YARS1: variants seen among roughly 807,000 people sequenced by gnomAD.
YARS1 encodes tyrosyl-tRNA synthetase 1.
A neutral mutation model predicts 62.2 loss-of-function variants in YARS1; 36 were observed. The ratio of observed to expected loss-of-function variants is 0.58; its 90% CI spans 0.44 to 0.76. YARS1 has a LOEUF of 0.76. Ranked by LOEUF, YARS1 falls within the 30% of genes least tolerant of loss-of-function variation. The pLI, the probability that YARS1 is intolerant of heterozygous loss-of-function variation, is 0.00. For missense variants in YARS1, 524 were observed against 639.8 expected (o/e 0.82, Z 1.95); for synonymous variants, 234 against 244.9 (o/e 0.96, Z 0.42).
intron 8 of YARS1, 74 bp from the exon 9 acceptor site, chr1:32,782,613 G>C: frequency 6.3e-7 from 1 of 1,599,346 alleles, no homozygotes; most frequent in Non-Finnish European, 8.5e-7. Flanking sequence ...AAAAAAGTAG[G>C]ATCAAGGGAG....
At chr1:32,802,923 C>T (rs1373995168) in intron 4 of YARS1, among the ~76,000 whole-genome samples, 1 of 151,916 alleles carries the variant, frequency 6.6e-6, no homozygotes, top group African/African-American at 2.4e-5. Flanking sequence ...AGTGATTCTC[C>T]TGCCTCAGCC....
chr1:32,809,346 C>T (rs1445122254), intron 3 of YARS1, among the ~76,000 whole-genome samples: 1 of 152,198 alleles, frequency 6.6e-6, no homozygotes. Flanking sequence ...CCTCAGCCTT[C>T]CAAAGCATTG....
At chr1:32,807,463 A>ATT (rs554615976) in intron 3 of YARS1, among the ~76,000 whole-genome samples, 1 of 145,522 alleles carries the variant, frequency 6.9e-6, no homozygotes, top group Admixed American at 6.8e-5. Flanking sequence ...TTTTCCTTTT[A>ATT]TTTTTTTTTT....
At chr1:32,788,877 T>C (rs145092716) in intron 6 of YARS1, among the ~76,000 whole-genome samples, 1 of 152,040 alleles carries the variant, frequency 6.6e-6, no homozygotes, top group African/African-American at 2.4e-5. Flanking sequence ...CTGGCTGGAG[T>C]GTGGTGGCAC....
In YARS1 at chr1:32,810,913, C is replaced by G; in HGVS notation, c.202G>C (p.Glu68Gln). ...GGGCTTATAGCATTAGTTCTTACCT[C>G]ACACCCTGCCTTTAAGAAGTCTGCA... ...KIADFLKAGCEVTILFADLHA... is the reference protein window; with the variant it reads ...KIADFLKAGCQVTILFADLHA... Residue 68 changes from glutamate to glutamine, a missense_variant and splice_region_variant, in exon 2 of 13, where the codon GAG (glutamate) becomes CAG (glutamine). Glu to Gln is a conservative substitution (Grantham distance 29). Transcript: ENST00000373477. 1.2e-6 allele frequency: 2 copies of G among 1,614,172 alleles called. No individual in the cohort carries two copies. The highest frequency in any genetic ancestry group is 8.5e-7 in the Non-Finnish European group (1 of 1,180,026).
At chr1:32,797,190 A>T (rs1427672332) in intron 5 of YARS1, among the ~76,000 whole-genome samples, 4 of 149,952 alleles carry the variant, frequency 2.7e-5, no homozygotes, top group Admixed American at 1.3e-4. Context: ...TGGGCAACAC[A>T]GGGAGGCCTC....
intron 3 of YARS1, among the ~76,000 whole-genome samples, chr1:32,809,439 T>C (rs1638532961): frequency 6.6e-6 from 1 of 152,118 alleles, no homozygotes; most frequent in Non-Finnish European, 1.5e-5. Flanking sequence ...ACTTGCCATG[T>C]TGGCCAGGGC....
At chr1:32,777,028 C>G (rs1652886569) in intron 12 of YARS1, among the ~76,000 whole-genome samples, 1 of 147,720 alleles carries the variant, frequency 6.8e-6, no homozygotes, top group African/African-American at 2.6e-5. Context: ...AGTGCAACCC[C>G]TCAATTTTTT....
chr1:32,803,551 T>G (rs537859901), intron 4 of YARS1, among the ~76,000 whole-genome samples: 2 of 152,190 alleles, frequency 1.3e-5, no homozygotes, highest in Non-Finnish European at 2.9e-5. Context: ...CTTTGAAGAT[T>G]TGAAGCCAGG....
intron 1 of YARS1, among the ~76,000 whole-genome samples, chr1:32,812,704 A>G (rs1638611575): frequency 1.3e-5 from 2 of 152,076 alleles, no homozygotes; most frequent in Admixed American, 1.3e-4. Flanking sequence ...TGGGTGCAGC[A>G]CCTCACGCCT....
At position 32,779,257 on chromosome 1, in the gene YARS1, GGA is replaced by G. The variant is rs969620788; in HGVS notation, c.1476+123_1476+124del. The G allele has an allele frequency of 3.3e-6, 5 of 1,500,548 alleles. No individual in the cohort carries two copies. The African/African-American group carries it at 5.5e-5, about 17-fold the overall frequency. The allele number at this position is 1,500,548 out of a possible 1,614,324, so 93.0% of individuals were successfully genotyped here. On this transcript the variant is annotated intron_variant, in intron 12 of 12. Transcript: ENST00000373477. ...TTCAAAAAGGTCTGGAAAGAAGGAG[GGA>G]GAGAGGGGCTCAAATGCAGGAAGTC... is the stretch of plus-strand genomic sequence containing the variant.
chr1:32,775,977 C>G lies in YARS1; in HGVS notation c.*4G>C, dbSNP rs771314633. 6.2e-7 allele frequency: 1 copy of G among 1,611,056 alleles called. No individual in the cohort carries two copies. Among genetic ancestry groups the G allele is most frequent in the Non-Finnish European group, 8.5e-7 (1 of 1,177,338 alleles). On this transcript the variant is annotated 3_prime_UTR_variant, in exon 13 of 13. Transcript: ENST00000373477. ...TGGAAGAAGGGGGGAAGATGCTGGG[C>G]TGGCTAGCTAATGTTCCCCCCTTTC...
At chr1:32,805,558 A>G (rs1424533565) in intron 4 of YARS1, among the ~76,000 whole-genome samples, 6 of 152,306 alleles carry the variant, frequency 3.9e-5, no homozygotes, top group South Asian at 4.2e-4. Flanking sequence ...AACTTTCCCT[A>G]TGGATTCACA....
At position 32,780,119 on chromosome 1, in the gene YARS1, C is replaced by A. The variant is rs995106454; in HGVS notation, c.1300G>T (p.Val434Phe). Reference protein sequence around the residue: ...CNLKPQKMRGVESQGMLLCAS... With the variant: ...CNLKPQKMRGFESQGMLLCAS... ...CACAGAAGCATGCCTTGGGACTCGA[C>A]TCCTCTCATCTTCTGGGGTTTCAGG... The change falls in exon 11 of 13, where the codon GTC becomes TTC. Residue 434 changes from valine to phenylalanine, a missense_variant. Coordinates refer to ENST00000373477, the MANE Select transcript of YARS1 (RefSeq NM_003680.4). 1 of 1,614,196 alleles carries A rather than the reference C, an allele frequency of 6.2e-7. No homozygotes were observed. The highest frequency in any genetic ancestry group is 8.5e-7 in the Non-Finnish European group (1 of 1,180,038).
chr1:32,810,439 A>G, intron 3 of YARS1, 152 bp downstream of exon 3: 2 of 935,670 alleles, frequency 2.1e-6, no homozygotes, highest in Non-Finnish European at 3.4e-6. Context: ...TTACAAGGAC[A>G]ATGAGGTTTT....
chr1:32,792,848 C>T (rs1286953798), intron 5 of YARS1, among the ~76,000 whole-genome samples: 1 of 150,820 alleles, frequency 6.6e-6, no homozygotes, highest in Non-Finnish European at 1.5e-5. Flanking sequence ...CCACTGCACT[C>T]TAGCCTGGGT....
Position 32,817,324 on chromosome 1 carries a change from A to G in YARS1, c.-80T>C. ...GTCACCGTCGCCGCCGCGTGCCGGG[A>G]ACTGTCACGCGAGTCCAGCCAGGTT... On this transcript the variant is annotated 5_prime_UTR_variant, in exon 1 of 13. Transcript: ENST00000373477. The G allele has an allele frequency of 6.4e-7, 1 of 1,569,170 alleles. No individual in the cohort carries two copies. The highest frequency in any genetic ancestry group is 8.7e-7 in the Non-Finnish European group (1 of 1,145,092).
At chr1:32,804,142 C>G (rs1310163821) in intron 4 of YARS1, among the ~76,000 whole-genome samples, 1 of 152,276 alleles carries the variant, frequency 6.6e-6, no homozygotes, top group Admixed American at 6.5e-5. Flanking sequence ...CTACCTCTTT[C>G]CACACAGACA....
At position 32,779,850 on chromosome 1, in the gene YARS1, G is replaced by T; in HGVS notation, c.1334+235C>A. On this transcript the variant is annotated intron_variant, in intron 11 of 12. Transcript: ENST00000373477. ...ACTCCTTACTAGTAGTAAGACTTGGGTATGTACTGGTTTGAGCCCTCCATT... is the reference window on the plus strand; with the variant it reads ...ACTCCTTACTAGTAGTAAGACTTGGTTATGTACTGGTTTGAGCCCTCCATT... The T allele has an allele frequency of 4.8e-6, 3 of 623,096 alleles. No individual in the cohort carries two copies. The South Asian group carries it at 5.8e-5, about 12-fold the overall frequency. 38.6% of individuals were successfully genotyped at this position (623,096 alleles called of 1,614,324 possible). A position where few individuals can be genotyped will look rare whatever the true frequency, so the allele number is the denominator to read the frequency against.
Sources: gnomAD v4.1 joint callset for allele counts (sites outside exome capture counted in the v4.1 genomes callset) on GRCh38, gnomAD v4.1.1 for gene constraint, MANE v1.5 for transcripts, NCBI Gene and HGNC (gene_info 2026-07-23, HGNC 2026-07-21) for gene names.